Variants in ABAT observed in about 807,000 individuals in gnomAD.
ABAT encodes the protein 4-aminobutyrate aminotransferase, also known as 4-aminobutyrate aminotransferase, mitochondrial.
Under a neutral mutation model 64.6 loss-of-function variants are expected in ABAT, and 45 were observed. The ratio of observed to expected loss-of-function variants is 0.70; its 90% confidence interval spans 0.55 to 0.89. The LOEUF (loss-of-function observed/expected upper bound fraction) is 0.89, where lower values mean the gene tolerates loss of function less well. Ranked by LOEUF, ABAT falls within the 40% of genes least tolerant of loss-of-function variation. The pLI is 0.00. For missense variants in ABAT, 633 were observed against 658.4 expected (o/e 0.96, Z 0.42); for synonymous variants, 297 against 250.5 (o/e 1.19, Z -1.75).
rs5815494 is a variant in ABAT, at chr16:8,729,828, T to TAAAAA, written c.-41-5857_-41-5853dup. ...TCTTTTGTCTAGCCCTTTTTTGTCT[T>TAAAAA]AAAAAAAAAAAAAAAAAAGACCCTG... On this transcript the variant is annotated intron_variant, in intron 1 of 15. Transcript: ENST00000268251. Among the ~76,000 whole-genome samples, 60 of 128,426 alleles carry TAAAAA rather than the reference T, an allele frequency of 4.7e-4. 2 individuals are homozygous for TAAAAA. Among genetic ancestry groups the TAAAAA allele is most frequent in the Non-Finnish European group, 6.7e-4 (42 of 62,848 alleles). 84.3% of individuals were successfully genotyped at this position (128,426 alleles called of 152,430 possible). A position where few individuals can be genotyped will look rare whatever the true frequency, so the allele number is the denominator to read the frequency against.
chr16:8,745,675 G>A (rs906912526), intron 2 of ABAT, among the ~76,000 whole-genome samples: 9 of 151,822 alleles, frequency 5.9e-5, no homozygotes, highest in African/African-American at 2.2e-4. Context: ...TCCAGCCTGG[G>A]CAATAGAGCA....
intron 1 of ABAT, among the ~76,000 whole-genome samples, chr16:8,700,452 T>C (rs900807687): frequency 6.6e-6 from 1 of 152,042 alleles, no homozygotes; most frequent in Non-Finnish European, 1.5e-5. Flanking sequence ...CCCCAGAAAG[T>C]TCCCTCATAC....
chr16:8,722,772 C>G (rs889239390), intron 1 of ABAT: 2 of 1,279,522 alleles, frequency 1.6e-6, no homozygotes, highest in Non-Finnish European at 2.0e-6. Context: ...CCCAGATGCG[C>G]CCATCCAGGG....
At chr16:8,676,018 A>G (rs1348357172) in intron 1 of ABAT, among the ~76,000 whole-genome samples, 1 of 150,438 alleles carries the variant, frequency 6.6e-6, no homozygotes, top group African/African-American at 2.4e-5. Context: ...AGACTAAGGG[A>G]CAGGATGTTG....
intron 1 of ABAT, among the ~76,000 whole-genome samples, chr16:8,714,313 C>T (rs2058150082): frequency 6.6e-6 from 1 of 152,208 alleles, no homozygotes; most frequent in African/African-American, 2.4e-5. Flanking sequence ...ACAAGAACAG[C>T]ACAAACACAC....
intron 1 of ABAT, among the ~76,000 whole-genome samples, chr16:8,719,890 C>T (rs774463188): frequency 2.0e-5 from 3 of 152,212 alleles, no homozygotes; most frequent in Non-Finnish European, 2.9e-5. Context: ...CTACTCACTG[C>T]AACATTCGGT....
intron 2 of ABAT, among the ~76,000 whole-genome samples, chr16:8,744,167 A>T (rs1285083802): frequency 6.6e-6 from 1 of 152,210 alleles, no homozygotes; most frequent in African/African-American, 2.4e-5. Flanking sequence ...ACAAAAAAAA[A>T]TACCTGGGAT....
At chr16:8,721,458 G>C (rs779381167) in intron 1 of ABAT, among the ~76,000 whole-genome samples, 37 of 152,172 alleles carry the variant, frequency 2.4e-4, no homozygotes, top group Non-Finnish European at 4.4e-4. Context: ...ACTTAGTCTG[G>C]GTGGGGCTTT....
At chr16:8,723,459 G>A (rs2142205547) in intron 1 of ABAT, among the ~76,000 whole-genome samples, 1 of 152,310 alleles carries the variant, frequency 6.6e-6, no homozygotes, top group East Asian at 1.9e-4. Context: ...GGGGTTTCCA[G>A]TGCAAGCCTG....
Position 8,774,951 on chromosome 16 carries a change from G to A in ABAT, c.1016G>A (p.Trp339Ter). ...QTGGGCTGKF[W>*]AHEHWGLDDP... ...GGAGGAGGCTGCACGGGCAAGTTCT[G>A]GGCCCATGAGCACTGGGGCCTGGAT... The change falls in exon 13 of 16, where the codon TGG (tryptophan) becomes TAG (stop). Residue 339 changes from tryptophan (W) to a stop codon, truncating the protein, a stop_gained. Coordinates refer to ENST00000268251, the MANE Select transcript of ABAT (RefSeq NM_020686.6). LOFTEE classifies it high-confidence loss of function. 1 of 1,614,192 alleles carries A rather than the reference G, an allele frequency of 6.2e-7. No individual in the cohort carries two copies. The highest frequency in any genetic ancestry group is 8.5e-7 in the Non-Finnish European group (1 of 1,180,034).
rs754582322 is a variant in ABAT, at chr16:8,766,255, G to T, written c.588G>T (p.Thr196=). ...GCTTCTCCCAGGAGGAGCTGGAGAC[G>T]TGCATGATTAACCAGGTGAGTGCAG... ...QRGFSQEELE[T]CMINQAPGCP... is the part of the protein sequence containing the mutation. The change falls in exon 9 of 16, where the codon ACG becomes ACT. Residue 196 remains threonine, a synonymous_variant. Transcript: ENST00000268251. 6.2e-7 allele frequency: 1 copy of T among 1,614,086 alleles called. No individual in the cohort carries two copies. The highest frequency in any genetic ancestry group is 8.5e-7 in the Non-Finnish European group (1 of 1,179,952).
In ABAT at chr16:8,707,742, TA is replaced by T. The variant is rs1205186232; in HGVS notation, c.-41-27954del. 2.6e-5 allele frequency among the ~76,000 whole-genome samples: 4 copies of T among 152,306 alleles called. No individual in the cohort carries two copies. The South Asian group carries it at 8.3e-4, about 32-fold the overall frequency. ...TAGCCAGGAATTAGGGAACTTTTTT[TA>T]AACTTTATTTATTTATTTTGTAGAG... On this transcript the variant is annotated intron_variant, in intron 1 of 15. Coordinates refer to ENST00000268251, the MANE Select transcript of ABAT (RefSeq NM_020686.6).
chr16:8,679,791 C>CT (rs2057290134), intron 1 of ABAT, among the ~76,000 whole-genome samples: 1 of 152,120 alleles, frequency 6.6e-6, no homozygotes, highest in East Asian at 1.9e-4. Context: ...CACTTCTTCA[C>CT]TTTGCCCTCT....
intron 1 of ABAT, among the ~76,000 whole-genome samples, chr16:8,685,772 G>A (rs1462238348): frequency 6.6e-6 from 1 of 152,206 alleles, no homozygotes; most frequent in African/African-American, 2.4e-5. Flanking sequence ...TGGATGAGGA[G>A]TGGCAAGAGG....
chr16:8,721,214 G>A (rs1596417534), intron 1 of ABAT, among the ~76,000 whole-genome samples: 1 of 152,164 alleles, frequency 6.6e-6, no homozygotes, highest in Non-Finnish European at 1.5e-5. Context: ...TTGGGGAGAT[G>A]CAGGGAAGAA....
chr16:8,733,615 CG>C (rs982755612), intron 1 of ABAT, among the ~76,000 whole-genome samples: 24 of 151,926 alleles, frequency 1.6e-4, no homozygotes, highest in Non-Finnish European at 3.4e-4. Flanking sequence ...GGATCACTTG[CG>C]GTTAGGGGCT....
chr16:8,676,753 C>T (rs1800641037), intron 1 of ABAT, among the ~76,000 whole-genome samples: 2 of 152,276 alleles, frequency 1.3e-5, no homozygotes, highest in Middle Eastern at 3.4e-3. Flanking sequence ...TTGGACAGGT[C>T]CTGAGGATGT....
At chr16:8,757,837 A>C (rs765954242) in intron 6 of ABAT, 31 bp downstream of exon 6, 1 of 1,607,728 alleles carries the variant, frequency 6.2e-7, no homozygotes, top group Non-Finnish European at 8.5e-7. Flanking sequence ...GAAGAAAGAC[A>C]AAATATGTTC....
intron 2 of ABAT, chr16:8,736,806 C>T (rs894534969): frequency 2.0e-5 from 3 of 152,282 alleles, no homozygotes; most frequent in African/African-American, 7.2e-5. Flanking sequence ...CAGCCACTTG[C>T]AAGCAACTCT....
Sources: allele counts gnomAD v4.1 joint callset (sites outside exome capture counted in the v4.1 genomes callset), GRCh38; gene constraint gnomAD v4.1.1; transcripts MANE v1.5; gene names NCBI Gene and HGNC (gene_info 2026-07-23, HGNC 2026-07-21).